The following MIPOL1 variants were observed in gnomAD, a reference collection of about 807,000 sequenced individuals.
MIPOL1 encodes mirror-image polydactyly 1, also known as mirror-image polydactyly gene 1 protein.
A neutral mutation model predicts 60.9 loss-of-function variants in MIPOL1; 57 were observed. The observed-to-expected ratio is 0.94, with a 90% CI of 0.76 to 1.17. The LOEUF is 1.17. Ranked by LOEUF, MIPOL1 falls within the 50% of genes most tolerant of loss-of-function variation. The probability of loss-of-function intolerance (pLI) is 0.00; values close to 1 mark genes in which losing one functional copy is unlikely to be tolerated. For missense variants in MIPOL1, 551 were observed against 511.6 expected (o/e 1.08, Z -0.74); for synonymous variants, 179 against 168.8 (o/e 1.06, Z -0.47).
chr14:37,322,470 T>C (rs1444698254), intron 9 of MIPOL1, among the ~76,000 whole-genome samples: 1 of 152,066 alleles, frequency 6.6e-6, no homozygotes, highest in African/African-American at 2.4e-5. Context: ...TTTATTTGTT[T>C]TACTCTGTTC....
chr14:37,531,192 T>A (rs1368454548), intron 12 of MIPOL1, among the ~76,000 whole-genome samples: 1 of 152,120 alleles, frequency 6.6e-6, no homozygotes, highest in Non-Finnish European at 1.5e-5. Context: ...TGTAAATCTT[T>A]GCTTATTTGC....
intron 6 of MIPOL1, among the ~76,000 whole-genome samples, chr14:37,270,887 C>G (rs1246221547): frequency 6.6e-6 from 1 of 151,988 alleles, no homozygotes; most frequent in Non-Finnish European, 1.5e-5. Context: ...ATTGTTTTAG[C>G]TCGTTGAGAG....
intron 1 of MIPOL1, among the ~76,000 whole-genome samples, chr14:37,214,081 G>A (rs1038179497): frequency 2.6e-5 from 4 of 152,146 alleles, no homozygotes; most frequent in African/African-American, 9.7e-5. Flanking sequence ...GCTAAAGGGA[G>A]TACTTTAATT....
chr14:37,258,782 G>A (rs557935351), intron 3 of MIPOL1, among the ~76,000 whole-genome samples: 1 of 151,936 alleles, frequency 6.6e-6, no homozygotes, highest in South Asian at 2.1e-4. Context: ...CAAAGAAATC[G>A]GAACTTTTCC....
chr14:37,453,820 T>C (rs1227134606), intron 11 of MIPOL1, among the ~76,000 whole-genome samples: 1 of 152,192 alleles, frequency 6.6e-6, no homozygotes, highest in Non-Finnish European at 1.5e-5. Context: ...TGCAGATGCA[T>C]TCTTTTATTT....
intron 7 of MIPOL1, among the ~76,000 whole-genome samples, chr14:37,293,250 A>T (rs2085272489): frequency 6.6e-6 from 1 of 151,996 alleles, no homozygotes; most frequent in Non-Finnish European, 1.5e-5. Context: ...TCTTCCCAAC[A>T]CCTGTTTCAT....
chr14:37,250,652 C>T (rs1973934269), intron 3 of MIPOL1, among the ~76,000 whole-genome samples: 1 of 152,150 alleles, frequency 6.6e-6, no homozygotes, highest in South Asian at 2.1e-4. Context: ...CGTCATCTCC[C>T]TGATGGCAGG....
intron 1 of MIPOL1, among the ~76,000 whole-genome samples, chr14:37,205,767 C>T (rs896169169): frequency 6.6e-6 from 1 of 152,110 alleles, no homozygotes; most frequent in African/African-American, 2.4e-5. Flanking sequence ...TGGTTTCCAG[C>T]TTCATCCATG....
intron 1 of MIPOL1, among the ~76,000 whole-genome samples, chr14:37,219,075 AT>A (rs1388969591): frequency 6.6e-6 from 1 of 152,204 alleles, no homozygotes. Context: ...GCATAGGCAA[AT>A]GGGACTTTAC....
At chr14:37,205,796 T>A (rs140605493) in intron 1 of MIPOL1, among the ~76,000 whole-genome samples, 23 of 152,308 alleles carry the variant, frequency 1.5e-4, no homozygotes, top group Non-Finnish European at 2.9e-4. Flanking sequence ...AAGGACATGA[T>A]CTCATGCTTT....
chr14:37,202,765 A>G (rs1965535738), intron 1 of MIPOL1, among the ~76,000 whole-genome samples: 1 of 152,144 alleles, frequency 6.6e-6, no homozygotes. Flanking sequence ...CCTGCACTAC[A>G]TTGCCATTGT....
intron 9 of MIPOL1, among the ~76,000 whole-genome samples, chr14:37,309,896 C>G (rs2087155256): frequency 6.6e-6 from 1 of 151,890 alleles, no homozygotes; most frequent in African/African-American, 2.4e-5. Context: ...GCCATGTTGG[C>G]CAGGCTGGTC....
intron 9 of MIPOL1, among the ~76,000 whole-genome samples, chr14:37,333,265 A>C (rs528003282): frequency 2.7e-4 from 41 of 152,178 alleles, no homozygotes; most frequent in Non-Finnish European, 1.9e-4. Context: ...ACTGCTATGC[A>C]CATTTTTAAT....
At chr14:37,530,966 C>T (rs1228238206) in intron 12 of MIPOL1, among the ~76,000 whole-genome samples, 2 of 151,768 alleles carry the variant, frequency 1.3e-5, no homozygotes, top group African/African-American at 2.4e-5. Context: ...TACAGGTGCC[C>T]GCCCCCACGC....
At chr14:37,383,552 C>T (rs1267435950) in intron 10 of MIPOL1, among the ~76,000 whole-genome samples, 2 of 151,720 alleles carry the variant, frequency 1.3e-5, no homozygotes, top group African/African-American at 4.8e-5. Flanking sequence ...GTCTGAGGTG[C>T]CTCTTTTAAA....
rs1695122211 is a variant in MIPOL1, at chr14:37,411,902, A to G, written c.937-10953A>G. On this transcript the variant is annotated intron_variant, in intron 10 of 12. Transcript: ENST00000684589. The stretch of plus-strand genomic sequence containing the variant: ...ATAATAATATCACATCAAAGGTTCA[A>G]TTGTGCCTCTTATATAGCTTACATA... 2.6e-5 allele frequency among the ~76,000 whole-genome samples: 4 copies of G among 152,064 alleles called. No homozygotes were observed. In the South Asian group the frequency reaches 6.2e-4, roughly 24 times the overall value.
chr14:37,323,460 CT>C (rs1014336608), intron 9 of MIPOL1, among the ~76,000 whole-genome samples: 1 of 151,572 alleles, frequency 6.6e-6, no homozygotes, highest in Non-Finnish European at 1.5e-5. Flanking sequence ...GCTATACGGG[CT>C]TTTTTTTGGT....
At chr14:37,455,814 C>G (rs1359477340) in intron 11 of MIPOL1, among the ~76,000 whole-genome samples, 1 of 152,058 alleles carries the variant, frequency 6.6e-6, no homozygotes, top group African/African-American at 2.4e-5. Context: ...TTTCTTCATG[C>G]ACTTTCAGAA....
chr14:37,405,190 C>T (rs765739493), intron 10 of MIPOL1, among the ~76,000 whole-genome samples: 5 of 152,094 alleles, frequency 3.3e-5, no homozygotes, highest in African/African-American at 4.8e-5. Flanking sequence ...AGTTAAAATC[C>T]GCAGCAGTGT....
Sources: gnomAD v4.1 joint callset for allele counts (sites outside exome capture counted in the v4.1 genomes callset) on GRCh38, gnomAD v4.1.1 for gene constraint, MANE v1.5 for transcripts, NCBI Gene and HGNC (gene_info 2026-07-23, HGNC 2026-07-21) for gene names.